The following ATP7A variants were observed in gnomAD, a reference collection of about 807,000 sequenced individuals.
ATP7A encodes the protein ATPase copper transporting alpha, also known as copper-transporting ATPase 1.
ATP7A carries 7 observed loss-of-function variants against 83.5 expected under a neutral mutation model. That is an observed-to-expected ratio of 0.08 (90% CI 0.05 to 0.16). The LOEUF (loss-of-function observed/expected upper bound fraction) is 0.16, where lower values mean the gene tolerates loss of function less well. Ranked by LOEUF, ATP7A falls within the 10% of genes least tolerant of loss-of-function variation. The pLI, the probability that ATP7A is intolerant of heterozygous loss-of-function variation, is 1.00. For synonymous variants in ATP7A, 354 were observed against 395.2 expected, an observed-to-expected ratio of 0.90 and a Z score of 1.24; for missense variants, 940 against 1,120.8, an observed-to-expected ratio of 0.84 and a Z score of 2.30.
At chrX:77,941,166 A>C (rs2077349418) in intron 1 of ATP7A, among the ~76,000 whole-genome samples, 1 of 111,789 alleles carries the variant, frequency 8.9e-6, no homozygotes, top group Non-Finnish European at 1.9e-5. Context: ...CAGGAATTTT[A>C]TCTAAAAGAT....
intron 4 of ATP7A, among the ~76,000 whole-genome samples, chrX:77,995,741 TTTTG>T (rs1342358992): frequency 3.6e-5 from 4 of 110,629 alleles, no homozygotes; most frequent in Non-Finnish European, 5.7e-5. Flanking sequence ...GACTTTTTAT[TTTTG>T]TTTGTTTGTT....
Position 77,949,546 on chromosome X carries a change from G to A in ATP7A, c.-21-22075G>A, listed in dbSNP as rs782754645. 9.9e-5 allele frequency among the ~76,000 whole-genome samples: 11 copies of A among 111,509 alleles called. No homozygotes were observed. In the Middle Eastern group the frequency reaches 0.019, roughly 188 times the overall value. ...ACATAATATTTAATTAAATCACTTG[G>A]CCATGAGAAGTTCAGTGGACATAAA... On this transcript the variant is annotated intron_variant, in intron 1 of 22. Coordinates refer to ENST00000341514, the MANE Select transcript of ATP7A (RefSeq NM_000052.7).
rs782541211 is a variant in ATP7A at position 78,046,378 on chromosome X, T to C, written c.4311T>C (p.His1437=). 8.3e-7 allele frequency: 1 copy of C among 1,211,219 alleles called. No individual in the cohort carries two copies. The highest frequency in any genetic ancestry group is 3.0e-5 in the East Asian group (1 of 33,833). ...AGAGTCCTTCAGAAATCAGCGTTCATGTTGGAATAGATGATACCTCAAGGA... is the reference window on the plus strand; with the variant it reads ...AGAGTCCTTCAGAAATCAGCGTTCACGTTGGAATAGATGATACCTCAAGGA... The part of the protein sequence containing the change: ...GQKSPSEISV[H]VGIDDTSRNS... The change falls in exon 23 of 23, where the codon CAT becomes CAC. Residue 1437 remains histidine (H), a synonymous_variant. Coordinates refer to ENST00000341514, the MANE Select transcript of ATP7A (RefSeq NM_000052.7).
intron 16 of ATP7A, among the ~76,000 whole-genome samples, chrX:78,032,065 T>C (rs2077986811): frequency 8.9e-6 from 1 of 112,319 alleles, no homozygotes; most frequent in African/African-American, 3.2e-5. Flanking sequence ...TGTGCATCTG[T>C]TAACCGTTTT....
chrX:78,032,062 C>T lies in ATP7A; in HGVS notation c.3294+480C>T, dbSNP rs72628502. On this transcript the variant is annotated intron_variant, in intron 16 of 22. Transcript: ENST00000341514. The stretch of plus-strand genomic sequence containing the variant: ...TTAGTATAGTCATAAAGGTGTGCAT[C>T]TGTTAACCGTTTTTAATGCATATAG... Among the ~76,000 whole-genome samples the T allele has an allele frequency of 5.3e-4, 59 of 112,257 alleles. 2 individuals carry two copies. The East Asian group carries it at 0.013, about 25-fold the overall frequency.
intron 1 of ATP7A, among the ~76,000 whole-genome samples, chrX:77,954,807 G>A (rs1431934813): frequency 6.3e-5 from 7 of 111,282 alleles, no homozygotes; most frequent in African/African-American, 2.3e-4. Flanking sequence ...AAATAAGCAC[G>A]TTTTTATAGC....
At chrX:77,926,767 A>G in intron 1 of ATP7A, among the ~76,000 whole-genome samples, 1 of 109,149 alleles carries the variant, frequency 9.2e-6, no homozygotes, top group Middle Eastern at 4.7e-3. Context: ...CAGTGGCGCA[A>G]TCTCAGCTCA....
chrX:77,936,722 A>G, intron 1 of ATP7A, among the ~76,000 whole-genome samples: 1 of 112,932 alleles, frequency 8.9e-6, no homozygotes, highest in Non-Finnish European at 1.9e-5. Context: ...AAAAATGGAT[A>G]TACTGGACTT....
chrX:77,937,546 A>ACAGTTCTTTCTG (rs1470633722), intron 1 of ATP7A, among the ~76,000 whole-genome samples: 1 of 112,154 alleles, frequency 8.9e-6, no homozygotes, highest in Non-Finnish European at 1.9e-5. Flanking sequence ...GTCACTAAAA[A>ACAGTTCTTTCTG]TTGGAAACAA....
intron 14 of ATP7A, among the ~76,000 whole-genome samples, chrX:78,024,219 C>T (rs781824724): frequency 8.9e-6 from 1 of 111,935 alleles, no homozygotes; most frequent in South Asian, 3.7e-4. Context: ...AATTTGAAGT[C>T]GGGTAATGTG....
intron 2 of ATP7A, 76 bp from the exon 3 acceptor site, chrX:77,988,166 T>C (rs1603381260): frequency 1.9e-6 from 2 of 1,042,089 alleles, no homozygotes; most frequent in East Asian, 6.1e-5. Flanking sequence ...TTCTTGAATG[T>C]GGTGTGATGA....
intron 2 of ATP7A, 95 bp from the exon 3 acceptor site, chrX:77,988,147 G>T: frequency 2.1e-6 from 2 of 952,192 alleles, no homozygotes; most frequent in Admixed American, 3.0e-5. Flanking sequence ...AGATTGAGTT[G>T]TCTCACTCTT....
chrX:77,936,811 A>AT (rs1479088107), intron 1 of ATP7A, among the ~76,000 whole-genome samples: 1 of 112,584 alleles, frequency 8.9e-6, no homozygotes, highest in East Asian at 2.8e-4. Context: ...TTTAAATCAA[A>AT]TTTTTGTTTA....
chrX:78,035,835 C>A (rs1006216441), intron 17 of ATP7A, among the ~76,000 whole-genome samples: 1 of 112,156 alleles, frequency 8.9e-6, no homozygotes, highest in African/African-American at 3.2e-5. Flanking sequence ...TCTCTCTCTT[C>A]AGTGACACCC....
At chrX:78,025,788 C>A (rs2077939711) in intron 14 of ATP7A, among the ~76,000 whole-genome samples, 1 of 110,693 alleles carries the variant, frequency 9.0e-6, no homozygotes, top group African/African-American at 3.3e-5. Flanking sequence ...TTTTTAGTTT[C>A]CCTAAAGAAA....
chrX:78,036,708 C>A lies in ATP7A; in HGVS notation c.3512-2128C>A, dbSNP rs782495729. On this transcript the variant is annotated intron_variant, in intron 17 of 22. Coordinates refer to ENST00000341514, the MANE Select transcript of ATP7A (RefSeq NM_000052.7). ...CCAGCCTGGCCAACATGGTGAAACC[C>A]TGTGTCTACTAAAAATACAGAAATT... 3.6e-5 allele frequency among the ~76,000 whole-genome samples: 4 copies of A among 111,303 alleles called. No homozygotes were observed. In the South Asian group the frequency reaches 1.5e-3, roughly 42 times the overall value.
At chrX:77,940,245 T>C (rs1253734432) in intron 1 of ATP7A, among the ~76,000 whole-genome samples, 1 of 110,897 alleles carries the variant, frequency 9.0e-6, no homozygotes, top group Non-Finnish European at 1.9e-5. Context: ...AAATAAAATT[T>C]TAAAGAATTT....
intron 18 of ATP7A, 56 bp from the exon 19 acceptor site, chrX:78,040,535 T>C (rs2078040718): frequency 8.5e-7 from 1 of 1,172,527 alleles, no homozygotes; most frequent in Non-Finnish European, 1.2e-6. Flanking sequence ...AGTCAAAATG[T>C]TATTCTCCTT....
intron 1 of ATP7A, among the ~76,000 whole-genome samples, chrX:77,930,689 C>G (rs1436318468): frequency 1.8e-5 from 2 of 111,805 alleles, no homozygotes; most frequent in African/African-American, 3.3e-5. Flanking sequence ...CTCAGTATTC[C>G]CATCTTTAGG....
Sources: allele counts gnomAD v4.1 joint callset (sites outside exome capture counted in the v4.1 genomes callset), GRCh38; gene constraint gnomAD v4.1.1; transcripts MANE v1.5; gene names NCBI Gene and HGNC (gene_info 2026-07-23, HGNC 2026-07-21).